ELMO1: variants seen among roughly 807,000 people sequenced by gnomAD.
ELMO1 encodes the protein engulfment and cell motility 1.
In ELMO1, 26 loss-of-function variants were observed where a neutral mutation model predicts 98.9. The observed-to-expected ratio is 0.26, with a 90% CI of 0.19 to 0.36. The LOEUF (loss-of-function observed/expected upper bound fraction) is 0.36. Ranked by LOEUF, ELMO1 falls within the 10% of genes least tolerant of loss-of-function variation. The pLI is 1.00. For missense variants in ELMO1, 627 were observed against 935.2 expected (o/e 0.67, Z 4.30); for synonymous variants, 346 against 346.0 (o/e 1.00, Z 0.00).
rs193190704 is a variant in ELMO1, at chr7:36,899,956, T to C, written c.1438-4939A>G. Among the ~76,000 whole-genome samples the C allele has an allele frequency of 2.3e-4, 35 of 152,236 alleles. No homozygotes were observed. The East Asian group carries it at 4.6e-3, about 20-fold the overall frequency. ...AGACACTCAACAAATGTCAGTTCTG[T>C]TACAATCCCAGAAGGAAATTACATA... On this transcript the variant is annotated intron_variant, in intron 16 of 21. Coordinates refer to ENST00000310758, the MANE Select transcript of ELMO1 (RefSeq NM_014800.11).
Position 36,855,847 on chromosome 7 carries a change from G to T in ELMO1, c.1984-96C>A. ...AACAGTGAATACTCATCCCTCAGTA[G>T]GCTGTGCGCTAAGGGCTCTGCCTAC... On this transcript the variant is annotated intron_variant, in intron 21 of 21. Transcript: ENST00000310758. The surrounding 1 kb of genome is among the most constrained non-coding windows in gnomAD (Gnocchi z 4.2). 1 of 1,404,628 alleles carries T rather than the reference G, an allele frequency of 7.1e-7. No homozygotes were observed. The highest frequency in any genetic ancestry group is 1.0e-6 in the Non-Finnish European group (1 of 1,003,858). 87.0% of individuals were successfully genotyped at this position (1,404,628 alleles called of 1,614,324 possible). A position where few individuals can be genotyped will look rare whatever the true frequency, so the allele number is the denominator to read the frequency against.
intron 2 of ELMO1, among the ~76,000 whole-genome samples, chr7:37,340,170 G>C (rs191527923): frequency 6.6e-6 from 1 of 152,160 alleles, no homozygotes; most frequent in Non-Finnish European, 1.5e-5. Context: ...TATGGATTAC[G>C]AACTGTGAAT....
At chr7:37,305,522 C>A (rs76110932) in intron 4 of ELMO1, among the ~76,000 whole-genome samples, 1,830 of 151,868 alleles carry the variant, frequency 0.012, 38 homozygotes, top group African/African-American at 0.043. Flanking sequence ...AGACTGAAAG[C>A]CAAACTAAAC....
chr7:37,080,723 T>C (rs751514068), intron 15 of ELMO1, among the ~76,000 whole-genome samples: 2 of 150,624 alleles, frequency 1.3e-5, no homozygotes, highest in South Asian at 4.2e-4. Context: ...AGTGCTGGAA[T>C]TGCAGGTGTG....
At chr7:37,167,153 A>C (rs1789766836) in intron 13 of ELMO1, among the ~76,000 whole-genome samples, 2 of 151,860 alleles carry the variant, frequency 1.3e-5, no homozygotes, top group Admixed American at 6.6e-5. Context: ...AGAGACTAGG[A>C]TTCCAACCCC....
chr7:36,984,184 G>A (rs1051585063), intron 16 of ELMO1, among the ~76,000 whole-genome samples: 1 of 152,196 alleles, frequency 6.6e-6, no homozygotes, highest in Non-Finnish European at 1.5e-5. Context: ...GCATCGAGGT[G>A]TACTGAGGAG....
chr7:37,004,613 C>A (rs1792915267), intron 16 of ELMO1, among the ~76,000 whole-genome samples: 1 of 152,216 alleles, frequency 6.6e-6, no homozygotes, highest in Non-Finnish European at 1.5e-5. Context: ...CATGCAAAAT[C>A]TTGAACACAA....
At chr7:37,264,328 A>AAT (rs1796138701) in intron 5 of ELMO1, among the ~76,000 whole-genome samples, 3 of 152,172 alleles carry the variant, frequency 2.0e-5, no homozygotes, top group African/African-American at 7.2e-5. Flanking sequence ...CCTATAAATG[A>AAT]ATATATATAC....
intron 16 of ELMO1, among the ~76,000 whole-genome samples, chr7:36,968,076 AC>A (rs1280278567): frequency 6.6e-5 from 10 of 152,234 alleles, no homozygotes; most frequent in African/African-American, 2.4e-4. Context: ...TGTAATCCTT[AC>A]ACTGCAATAA....
chr7:36,965,275 C>A (rs1376794623), intron 16 of ELMO1, among the ~76,000 whole-genome samples: 1 of 152,214 alleles, frequency 6.6e-6, no homozygotes, highest in Admixed American at 6.5e-5. Flanking sequence ...CTTGTCTTTC[C>A]TCCTCACTAC....
intron 14 of ELMO1, among the ~76,000 whole-genome samples, chr7:37,124,960 A>T (rs1330164618): frequency 6.6e-6 from 1 of 152,232 alleles, no homozygotes; most frequent in African/African-American, 2.4e-5. Flanking sequence ...GGAACAGAAC[A>T]GAGCCCTCAG....
chr7:36,973,776 G>C (rs1437318189), intron 16 of ELMO1, among the ~76,000 whole-genome samples: 2 of 152,210 alleles, frequency 1.3e-5, no homozygotes, highest in East Asian at 1.9e-4. Context: ...GGGGCTGCGC[G>C]CGGCGCTTGC....
chr7:37,093,805 T>C (rs1003844282), intron 15 of ELMO1, among the ~76,000 whole-genome samples: 3 of 152,216 alleles, frequency 2.0e-5, no homozygotes, highest in African/African-American at 7.2e-5. Context: ...TTCAGAAACA[T>C]GAATGTGTTT....
At chr7:37,025,642 G>A (rs935033697) in intron 15 of ELMO1, among the ~76,000 whole-genome samples, 2 of 151,968 alleles carry the variant, frequency 1.3e-5, no homozygotes, top group Non-Finnish European at 2.9e-5. Context: ...CCTGCCTGTG[G>A]ACTGGGAGTT....
chr7:36,918,922 T>C (rs776189661), intron 16 of ELMO1, among the ~76,000 whole-genome samples: 1 of 152,204 alleles, frequency 6.6e-6, no homozygotes, highest in African/African-American at 2.4e-5. Context: ...TTTTTTTCTT[T>C]TGGTTTACCC....
chr7:36,930,175 T>C (rs969012383), intron 16 of ELMO1, among the ~76,000 whole-genome samples: 2 of 152,212 alleles, frequency 1.3e-5, no homozygotes, highest in African/African-American at 4.8e-5. Context: ...ATGGGCAAGC[T>C]ACTATTTGCC....
At chr7:37,441,864 G>A (rs1026333027) in intron 1 of ELMO1, among the ~76,000 whole-genome samples, 1 of 152,202 alleles carries the variant, frequency 6.6e-6, no homozygotes, top group Non-Finnish European at 1.5e-5. Context: ...TGGAGAGCTG[G>A]AGGAAAGAAA....
intron 13 of ELMO1, among the ~76,000 whole-genome samples, chr7:37,196,129 C>A (rs377541251): frequency 6.6e-5 from 10 of 152,286 alleles, no homozygotes; most frequent in Middle Eastern, 6.8e-3. Flanking sequence ...AGAAGGCAGG[C>A]AGAGGCTCAA....
intron 16 of ELMO1, among the ~76,000 whole-genome samples, chr7:37,005,692 CA>C (rs71553094): frequency 0.026 from 987 of 37,496 alleles, 4 homozygotes; most frequent in African/African-American, 0.059. Context: ...GACTCTGTCT[CA>C]AAAAAAAAAA....
Sources: gnomAD v4.1 joint callset for allele counts (sites outside exome capture counted in the v4.1 genomes callset) on GRCh38, gnomAD v4.1.1 for gene constraint, Gnocchi (gnomAD v3.1) non-coding constraint, MANE v1.5 for transcripts, NCBI Gene and HGNC (gene_info 2026-07-23, HGNC 2026-07-21) for gene names.